MAGOHB: variants seen among roughly 807,000 people sequenced by gnomAD.
MAGOHB encodes the protein mago homolog B, exon junction complex subunit, also known as protein mago nashi homolog 2.
MAGOHB carries 15 observed loss-of-function variants against 20.9 expected under a neutral mutation model. The observed-to-expected ratio is 0.72, with a 90% CI of 0.48 to 1.11. The LOEUF (loss-of-function observed/expected upper bound fraction) is 1.11, where lower values mean the gene tolerates loss of function less well. MAGOHB is among the 50% of genes least tolerant of loss of function. The pLI, the probability that MAGOHB is intolerant of heterozygous loss-of-function variation, is 0.00. For synonymous variants in MAGOHB, 50 were observed against 57.9 expected, an observed-to-expected ratio of 0.86 and a Z score of 0.62; for missense variants, 162 against 177.6, an observed-to-expected ratio of 0.91 and a Z score of 0.50.
chr12:10,612,898 T>G (rs866046024), intron 1 of MAGOHB: 1 of 1,289,158 alleles, frequency 7.8e-7, no homozygotes, highest in South Asian at 1.2e-5. Context: ...ATCTCAAGAG[T>G]GCCGTCCTCT....
chr12:10,602,995 T>C (rs1385261608), downstream of MAGOHB, among the ~76,000 whole-genome samples: 1 of 152,292 alleles, frequency 6.6e-6, no homozygotes, highest in Middle Eastern at 3.4e-3. Context: ...CATCTCCTTT[T>C]TTATTTGTTC....
chr12:10,607,755 G>A, intron 4 of MAGOHB, 99 bp downstream of exon 4: 1 of 678,920 alleles, frequency 1.5e-6, no homozygotes, highest in Non-Finnish European at 2.6e-6. Context: ...TAAACTGATA[G>A]GATGCCACTG....
In MAGOHB at chr12:10,605,785, T is replaced by G. The variant is rs1315437765; in HGVS notation, c.*490A>C. 1.7e-5 allele frequency: 2 copies of G among 116,818 alleles called. No individual in the cohort carries two copies. The highest frequency in any genetic ancestry group is 1.7e-4 in the Admixed American group (2 of 11,748). The allele number at this position is 116,818 out of a possible 1,614,324, so 7.2% of individuals were successfully genotyped here. A position where few individuals can be genotyped will look rare whatever the true frequency, so the allele number is the denominator to read the frequency against. ...TAATCCCTGAGGGGTTTGTCATAAC[T>G]GTAAAAAAAAACTAGACCTTGTATA... is the stretch of plus-strand genomic sequence containing the variant. On this transcript the variant is annotated 3_prime_UTR_variant, in exon 5 of 5. Coordinates refer to ENST00000320756, the MANE Select transcript of MAGOHB (RefSeq NM_018048.5).
Position 10,609,942 on chromosome 12 carries a change from C to G in MAGOHB, c.154-1G>C. On this transcript the variant is annotated splice_acceptor_variant, in intron 2 of 4. Transcript: ENST00000320756. LOFTEE classifies it high-confidence loss of function. ...CCATTACACTCTTGTGCACATAAGC[C>G]TAAAAATTAATCATAATAAAATGAG... 1 of 1,555,400 alleles carries G rather than the reference C, an allele frequency of 6.4e-7. No individual in the cohort carries two copies. Among genetic ancestry groups the G allele is most frequent in the Non-Finnish European group, 8.8e-7 (1 of 1,138,730 alleles).
intron 1 of MAGOHB, among the ~76,000 whole-genome samples, chr12:10,611,421 C>A (rs1434409183): frequency 1.3e-5 from 2 of 152,004 alleles, no homozygotes; most frequent in African/African-American, 4.8e-5. Flanking sequence ...TAATGTGCAA[C>A]AGGTACTCTA....
At position 10,605,483 on chromosome 12, in the gene MAGOHB, AAG is replaced by A; in HGVS notation, c.*790_*791del. ...GTAATGAAAGAGGAAATCTATCAGAAAGAGGTTGAAAGGAACTGGGAAACTGA... is the reference window on the plus strand; with the variant it reads ...GTAATGAAAGAGGAAATCTATCAGAAAGGTTGAAAGGAACTGGGAAACTGA... On this transcript the variant is annotated 3_prime_UTR_variant, in exon 5 of 5. Coordinates refer to ENST00000320756, the MANE Select transcript of MAGOHB (RefSeq NM_018048.5). 6.6e-6 allele frequency: 1 copy of A among 152,254 alleles called. No homozygotes were observed. The highest frequency in any genetic ancestry group is 1.5e-5 in the Non-Finnish European group (1 of 68,042). The allele number at this position is 152,254 out of a possible 1,614,324, so 9.4% of individuals were successfully genotyped here.
At chr12:10,609,581 C>G (rs1189369831) in intron 3 of MAGOHB, 2 of 493,784 alleles carry the variant, frequency 4.1e-6, no homozygotes, top group Non-Finnish European at 7.2e-6. Context: ...ATTGTGAAAA[C>G]ATCCTAACGT....
intron 1 of MAGOHB, 123 bp from the exon 2 acceptor site, chr12:10,610,803 C>T (rs1865719429): frequency 1.1e-6 from 1 of 919,392 alleles, no homozygotes; most frequent in African/African-American, 1.8e-5. Context: ...TTCCTCCCTC[C>T]TTGTGTAAGA....
At chr12:10,607,977 T>C (rs369360533) in intron 3 of MAGOHB, 41 bp from the exon 4 acceptor site, 19 of 1,222,472 alleles carry the variant, frequency 1.6e-5, no homozygotes, top group Non-Finnish European at 2.2e-5. Flanking sequence ...TATAAAAATC[T>C]ATCCCAGAGG....
chr12:10,609,611 G>A (rs1008336962), intron 3 of MAGOHB: 3 of 538,718 alleles, frequency 5.6e-6, no homozygotes, highest in Middle Eastern at 4.9e-4. Context: ...TGACTACAGA[G>A]AAAGATGTCT....
chr12:10,609,706 AC>A, intron 3 of MAGOHB, 124 bp downstream of exon 3: 1 of 637,560 alleles, frequency 1.6e-6, no homozygotes. Context: ...AAGAGAATTT[AC>A]CAGGTGCCTA....
rs1285267990 is a variant in MAGOHB, at chr12:10,605,067, G to A, written c.*1208C>T. On this transcript the variant is annotated 3_prime_UTR_variant, in exon 5 of 5. Transcript: ENST00000320756. ...TGTTAAGTATAGAATCTAGGTAGGGGTAGGCATATAGGTGTTCACTTTATA... is the reference window on the plus strand; with the variant it reads ...TGTTAAGTATAGAATCTAGGTAGGGATAGGCATATAGGTGTTCACTTTATA... 6.6e-6 allele frequency: 1 copy of A among 152,108 alleles called. No individual in the cohort carries two copies. The highest frequency in any genetic ancestry group is 2.4e-5 in the African/African-American group (1 of 41,404). The allele number at this position is 152,108 out of a possible 1,614,324, so 9.4% of individuals were successfully genotyped here. A position where few individuals can be genotyped will look rare whatever the true frequency, so the allele number is the denominator to read the frequency against.
downstream of MAGOHB, among the ~76,000 whole-genome samples, chr12:10,602,933 A>G (rs1227037467): frequency 1.3e-5 from 2 of 152,182 alleles, no homozygotes; most frequent in Non-Finnish European, 2.9e-5. Flanking sequence ...CATGCAGGGA[A>G]GATGGTCTGA....
chr12:10,603,328 A>AG (rs1335792890), downstream of MAGOHB, among the ~76,000 whole-genome samples: 2 of 151,668 alleles, frequency 1.3e-5, no homozygotes, highest in African/African-American at 4.9e-5. Flanking sequence ...AAAAAAAAAA[A>AG]AAAAAAAATC....
chr12:10,611,965 G>A (rs1865751617), intron 1 of MAGOHB, among the ~76,000 whole-genome samples: 1 of 151,966 alleles, frequency 6.6e-6, no homozygotes, highest in Non-Finnish European at 1.5e-5. Flanking sequence ...CAGAGGAACT[G>A]AAAATAATAC....
intron 1 of MAGOHB, chr12:10,612,773 C>G: frequency 3.2e-6 from 4 of 1,260,010 alleles, no homozygotes; most frequent in Non-Finnish European, 4.1e-6. Flanking sequence ...ATAGCGCTGT[C>G]AGAAAACACA....
chr12:10,607,907 G>A lies in MAGOHB; in HGVS notation c.294C>T (p.His98=). ...QELEIVIGDE[H]ISFTTSKIGS... is the part of the protein sequence containing the mutation. ...CTATTTTTGATGTGGTAAAAGATAT[G>A]TGCTCATCTCCAATTACAATTTCAA... Residue 98 remains histidine (H), a synonymous_variant, in exon 4 of 5, where the codon CAC becomes CAT. Transcript: ENST00000320756. The A allele has an allele frequency of 1.3e-6, 2 of 1,588,080 alleles. No individual in the cohort carries two copies. Among genetic ancestry groups the A allele is most frequent in the Non-Finnish European group, 1.7e-6 (2 of 1,165,654 alleles).
chr12:10,610,605 A>C lies in MAGOHB; in HGVS notation c.153+17T>G, dbSNP rs1302252878. 2 of 1,367,946 alleles carry C rather than the reference A, an allele frequency of 1.5e-6. No homozygotes were observed. The highest frequency in any genetic ancestry group is 2.9e-5 in the East Asian group (1 of 34,544). 84.7% of individuals were successfully genotyped at this position (1,367,946 alleles called of 1,614,324 possible). On this transcript the variant is annotated intron_variant, in intron 2 of 4. Coordinates refer to ENST00000320756, the MANE Select transcript of MAGOHB (RefSeq NM_018048.5). ...AAAAAAAAAAAAAAAAAAAAAAGACATTCACATAGAACTTACCTCTTTTCT... is the reference window on the plus strand; with the variant it reads ...AAAAAAAAAAAAAAAAAAAAAAGACCTTCACATAGAACTTACCTCTTTTCT...
At chr12:10,603,932 C>T (rs1320858215), downstream of MAGOHB, among the ~76,000 whole-genome samples, 1 of 152,164 alleles carries the variant, frequency 6.6e-6, no homozygotes, top group Non-Finnish European at 1.5e-5. Context: ...AGTAGTCTAA[C>T]AATAGAATAT....
Sources: gnomAD v4.1 joint callset for allele counts (sites outside exome capture counted in the v4.1 genomes callset) on GRCh38, gnomAD v4.1.1 for gene constraint, MANE v1.5 for transcripts, NCBI Gene and HGNC (gene_info 2026-07-23, HGNC 2026-07-21) for gene names.